Variants in RANBP2 observed in about 807,000 individuals in gnomAD.
RANBP2 encodes the protein E3 SUMO-protein ligase RanBP2.
In RANBP2, 57 loss-of-function variants were observed where a neutral mutation model predicts 303.6. The ratio of observed to expected loss-of-function variants is 0.19; its 90% CI spans 0.15 to 0.23. The LOEUF (loss-of-function observed/expected upper bound fraction) is 0.23, where lower values mean the gene tolerates loss of function less well. RANBP2 is among the 10% of genes least tolerant of loss of function. The pLI is 1.00. For missense variants in RANBP2, 3,138 were observed against 3,780.8 expected (o/e 0.83, Z 4.46); for synonymous variants, 1,167 against 1,301.5 (o/e 0.90, Z 2.23).
At chr2:109,019,815 G>A in the RANBP2 span, among the ~76,000 whole-genome samples, 1 of 152,204 alleles carries the variant, frequency 6.6e-6, no homozygotes, top group Non-Finnish European at 1.5e-5. Flanking sequence ...ACAGTACAAT[G>A]AAAGGATTTG....
At chr2:108,899,956 A>C in the RANBP2 span, among the ~76,000 whole-genome samples, 1 of 152,158 alleles carries the variant, frequency 6.6e-6, no homozygotes, top group Admixed American at 6.6e-5. Flanking sequence ...ACTGCTCTCC[A>C]ACCTGGGTGG....
At chr2:108,830,184 T>C in the RANBP2 span, among the ~76,000 whole-genome samples, 4 of 152,176 alleles carry the variant, frequency 2.6e-5, no homozygotes, top group African/African-American at 9.7e-5. Flanking sequence ...TGATTCTGCT[T>C]CCGTGCATGC....
chr2:109,318,765 G>C, the RANBP2 span, among the ~76,000 whole-genome samples: 1 of 152,148 alleles, frequency 6.6e-6, no homozygotes, highest in Non-Finnish European at 1.5e-5. Flanking sequence ...CCAATCTAAA[G>C]ACAAAGCATG....
the RANBP2 span, among the ~76,000 whole-genome samples, chr2:109,123,323 CT>C: frequency 7.3e-5 from 1 of 13,654 alleles, no homozygotes. Flanking sequence ...TCTTTCTTTC[CT>C]TCCTTCCTTC....
At chr2:108,912,793 A>G in the RANBP2 span, 1 of 1,547,270 alleles carries the variant, frequency 6.5e-7, no homozygotes, top group Admixed American at 1.9e-5. Context: ...CCCTCAAATG[A>G]TCCAGAGAAG....
chr2:109,093,406 T>TAAAAAAAAAA, the RANBP2 span, among the ~76,000 whole-genome samples: 1 of 90,694 alleles, frequency 1.1e-5, no homozygotes, highest in Non-Finnish European at 2.2e-5. Flanking sequence ...CGGAGATTTG[T>TAAAAAAAAAA]AAAAAAAAAA....
At chr2:109,689,376 C>G in the RANBP2 span, among the ~76,000 whole-genome samples, 2 of 152,074 alleles carry the variant, frequency 1.3e-5, no homozygotes, top group Non-Finnish European at 2.9e-5. Context: ...ATGTGACATT[C>G]CATAGGCCTC....
the RANBP2 span, chr2:109,574,869 A>C: frequency 1.4e-6 from 1 of 725,886 alleles, no homozygotes; most frequent in Non-Finnish European, 2.1e-6. Context: ...CTAATTAATA[A>C]ACAGTTAATA....
chr2:109,704,576 G>C, the RANBP2 span, among the ~76,000 whole-genome samples: 1 of 151,912 alleles, frequency 6.6e-6, no homozygotes, highest in East Asian at 1.9e-4. Context: ...TAAGCCAGGC[G>C]TGGTGGCTCA....
At chr2:109,196,066 C>T in the RANBP2 span, among the ~76,000 whole-genome samples, 2 of 152,208 alleles carry the variant, frequency 1.3e-5, no homozygotes, top group African/African-American at 4.8e-5. Flanking sequence ...CGAAGGGCTC[C>T]AGAGGGAACG....
the RANBP2 span, among the ~76,000 whole-genome samples, chr2:109,134,435 G>C: frequency 6.6e-6 from 1 of 152,174 alleles, no homozygotes; most frequent in African/African-American, 2.4e-5. Flanking sequence ...TGTTCAGAAG[G>C]CCCCTGAGTG....
At chr2:109,000,295 G>C in the RANBP2 span, among the ~76,000 whole-genome samples, 1 of 152,216 alleles carries the variant, frequency 6.6e-6, no homozygotes, top group Non-Finnish European at 1.5e-5. Context: ...AGGAGGCTGA[G>C]GTGGGAGGAT....
chr2:109,195,915 A>G, the RANBP2 span, among the ~76,000 whole-genome samples: 1 of 152,078 alleles, frequency 6.6e-6, no homozygotes, highest in African/African-American at 2.4e-5. Flanking sequence ...GCATTATCTC[A>G]TTACTGACTG....
the RANBP2 span, among the ~76,000 whole-genome samples, chr2:109,424,383 T>C: frequency 6.6e-6 from 1 of 152,232 alleles, no homozygotes; most frequent in African/African-American, 2.4e-5. Flanking sequence ...CCCTGGACCC[T>C]GTCCAGTGGT....
chr2:109,140,658 G>A, the RANBP2 span, among the ~76,000 whole-genome samples: 6 of 152,172 alleles, frequency 3.9e-5, no homozygotes, highest in Non-Finnish European at 7.3e-5. Flanking sequence ...TGGGATTACA[G>A]GCGTGAGCCA....
the RANBP2 span, chr2:109,593,148 G>A: frequency 6.8e-7 from 1 of 1,476,792 alleles, no homozygotes; most frequent in Non-Finnish European, 9.3e-7. Context: ...GGCTTAAAAG[G>A]AAACAGAAAC....
At chr2:109,713,609 C>G in the RANBP2 span, among the ~76,000 whole-genome samples, 3 of 152,194 alleles carry the variant, frequency 2.0e-5, no homozygotes, top group Non-Finnish European at 4.4e-5. Context: ...ATGTTAGGTA[C>G]TAGCTCTGCA....
chr2:109,520,398 C>T, the RANBP2 span, among the ~76,000 whole-genome samples: 3 of 151,226 alleles, frequency 2.0e-5, no homozygotes, highest in African/African-American at 7.3e-5. Flanking sequence ...GTCAGGAGAT[C>T]AAGACCACCC....
At chr2:109,024,519 G>T in the RANBP2 span, among the ~76,000 whole-genome samples, 1 of 152,194 alleles carries the variant, frequency 6.6e-6, no homozygotes, top group African/African-American at 2.4e-5. Context: ...CAGCAGTGAG[G>T]GGGTTCTGGT....
Sources: allele counts gnomAD v4.1 joint callset (sites outside exome capture counted in the v4.1 genomes callset), GRCh38; gene constraint gnomAD v4.1.1; transcripts MANE v1.5; gene names NCBI Gene and HGNC (gene_info 2026-07-23, HGNC 2026-07-21).